Variants in OR52M1 observed in about 807,000 individuals in gnomAD.
The protein encoded by OR52M1 is olfactory receptor family 52 subfamily M member 1.
A neutral mutation model predicts 1.3 loss-of-function variants in OR52M1; 2 were observed. That is an observed-to-expected ratio of 1.59 (90% CI 0.65 to 5.01). OR52M1 has a LOEUF of 5.01. Among genes scored for constraint, OR52M1 ranks in the 30% most tolerant of loss-of-function variants. The pLI is 0.06. For synonymous variants in OR52M1, 234 were observed against 151.4 expected, an observed-to-expected ratio of 1.55 and a Z score of -4.01; for missense variants, 585 against 403.7, an observed-to-expected ratio of 1.45 and a Z score of -3.85.
Position 4,545,321 on chromosome 11 carries a change from ATG to A in OR52M1, c.134_135del (p.Val45AspfsTer27), listed in dbSNP as rs1198516925. ...ATGTACCTGGTGGCTGTGGTGGGGA[ATG>A]TGACCATCCTGGCTGTGGTAAAGAT... On this transcript the variant is annotated frameshift_variant, in exon 1 of 1. Transcript: ENST00000360213. LOFTEE classifies it high-confidence loss of function. 1 of 1,613,952 alleles carries A rather than the reference ATG, an allele frequency of 6.2e-7. No homozygotes were observed. Among genetic ancestry groups the A allele is most frequent in the Non-Finnish European group, 8.5e-7 (1 of 1,179,980 alleles).
chr11:4,545,923 G>T lies in OR52M1; in HGVS notation c.733G>T (p.Ala245Ser), dbSNP rs375588754. The part of the protein sequence containing the change: ...EARLKTLGTC[A>S]SHLCAILIFY... ...TAGGCTTAAAACCCTGGGGACATGC[G>T]CTTCTCACCTCTGTGCCATCCTGAT... is the stretch of plus-strand genomic sequence containing the variant. The change falls in exon 1 of 1, where the codon GCT (alanine) becomes TCT (serine). Residue 245 changes from alanine (A) to serine (S), a missense_variant. Physicochemically the swap from Ala to Ser is moderately conservative, Grantham distance 99 (BLOSUM62 1). Coordinates refer to ENST00000360213, the MANE Select transcript of OR52M1 (RefSeq NM_001004137.1). 6 of 1,613,798 alleles carry T rather than the reference G, an allele frequency of 3.7e-6. No individual in the cohort carries two copies. The African/African-American group carries it at 6.7e-5, about 18-fold the overall frequency.
At position 4,545,982 on chromosome 11, in the gene OR52M1, T is replaced by A; in HGVS notation, c.792T>A (p.Ile264=). 6.2e-7 allele frequency: 1 copy of A among 1,614,138 alleles called. No homozygotes were observed. Among genetic ancestry groups the A allele is most frequent in the South Asian group, 1.1e-5 (1 of 91,078 alleles). ...FYVPIAVSSL[I]HRFGQCVPPP... ...TTCCCATTGCTGTTTCTTCCCTGATTCACCGATTTGGTCAGTGTGTGCCTC... is the reference window on the plus strand; with the variant it reads ...TTCCCATTGCTGTTTCTTCCCTGATACACCGATTTGGTCAGTGTGTGCCTC... The change falls in exon 1 of 1, where the codon ATT becomes ATA. Residue 264 remains isoleucine, a synonymous_variant. Coordinates refer to ENST00000360213, the MANE Select transcript of OR52M1 (RefSeq NM_001004137.1).
Position 4,545,756 on chromosome 11 carries a change from C to G in OR52M1, c.566C>G (p.Ala189Gly). 3 of 1,614,102 alleles carry G rather than the reference C, an allele frequency of 1.9e-6. No homozygotes were observed. Among genetic ancestry groups the G allele is most frequent in the Non-Finnish European group, 2.5e-6 (3 of 1,180,000 alleles). ...HSYCEHMAVV[A>G]LTCGDSRVNN... is the part of the protein sequence containing the mutation. ...TACTGTGAGCACATGGCTGTAGTTGCCTTGACATGTGGCGACAGCAGGGTC... is the reference window on the plus strand; with the variant it reads ...TACTGTGAGCACATGGCTGTAGTTGGCTTGACATGTGGCGACAGCAGGGTC... Residue 189 changes from alanine (A) to glycine (G), a missense_variant, in exon 1 of 1, where the codon GCC (alanine) becomes GGC (glycine). By Grantham distance (60) the Ala-to-Gly change is moderately conservative. Transcript: ENST00000360213.
In OR52M1 at chr11:4,545,654, T is replaced by C. The variant is rs775000712; in HGVS notation, c.464T>C (p.Val155Ala). 1.7e-5 allele frequency: 27 copies of C among 1,613,318 alleles called. No individual in the cohort carries two copies. The Admixed American group carries it at 3.5e-4, about 21-fold the overall frequency. ...GGGCTTGTTTCTCTCCTCCGGGGTG[T>C]TCTCTACATTGGACCTCTGCCTCTG... ...RLGLVSLLRG[V>A]LYIGPLPLMI... Residue 155 changes from valine to alanine, a missense_variant, in exon 1 of 1, where the codon GTT becomes GCT. Coordinates refer to ENST00000360213, the MANE Select transcript of OR52M1 (RefSeq NM_001004137.1).
Position 4,546,099 on chromosome 11 carries a change from A to G in OR52M1, c.909A>G (p.Arg303=). 6.2e-7 allele frequency: 1 copy of G among 1,611,752 alleles called. No individual in the cohort carries two copies. ...IVYAVRTKQI[R]ESLLQIPRIE... ...ATGCTGTTCGCACCAAGCAGATCCG[A>G]GAGAGCCTTCTCCAAATACCAAGGA... is the stretch of plus-strand genomic sequence containing the variant. Residue 303 remains arginine (R), a synonymous_variant, in exon 1 of 1, where the codon CGA becomes CGG. Transcript: ENST00000360213.
In OR52M1 at chr11:4,545,915, G is replaced by C; in HGVS notation, c.725G>C (p.Gly242Ala). ...CCTGAGGCTAGGCTTAAAACCCTGG[G>C]GACATGCGCTTCTCACCTCTGTGCC... is the stretch of plus-strand genomic sequence containing the variant. Reference protein sequence around the residue: ...ATPEARLKTLGTCASHLCAIL... With the variant: ...ATPEARLKTLATCASHLCAIL... The change falls in exon 1 of 1, where the codon GGG (glycine) becomes GCG (alanine). Residue 242 changes from glycine to alanine, a missense_variant. Coordinates refer to ENST00000360213, the MANE Select transcript of OR52M1 (RefSeq NM_001004137.1). 6.2e-7 allele frequency: 1 copy of C among 1,613,990 alleles called. No individual in the cohort carries two copies. The highest frequency in any genetic ancestry group is 8.5e-7 in the Non-Finnish European group (1 of 1,179,990).
In OR52M1 at chr11:4,545,286, C is replaced by T. The variant is rs774573739; in HGVS notation, c.96C>T (p.Pro32=). The T allele has an allele frequency of 1.2e-6, 2 of 1,614,144 alleles. No individual in the cohort carries two copies. Among genetic ancestry groups the T allele is most frequent in the South Asian group, 2.2e-5 (2 of 91,080 alleles). The part of the protein sequence containing the change: ...LESLHVWLSI[P]FGSMYLVAVV... ...CCCTACACGTCTGGCTCTCCATCCC[C>T]TTTGGCTCCATGTACCTGGTGGCTG... The change falls in exon 1 of 1, where the codon CCC becomes CCT. Residue 32 remains proline, a synonymous_variant. Transcript: ENST00000360213.
chr11:4,545,959 C>G lies in OR52M1; in HGVS notation c.769C>G (p.Pro257Ala). The G allele has an allele frequency of 6.2e-7, 1 of 1,614,016 alleles. No individual in the cohort carries two copies. The highest frequency in any genetic ancestry group is 8.5e-7 in the Non-Finnish European group (1 of 1,179,972). The change falls in exon 1 of 1, where the codon CCC becomes GCC. Residue 257 changes from proline to alanine, a missense_variant. Transcript: ENST00000360213. Reference sequence around the variant, plus strand: ...CTGTGCCATCCTGATCTTTTATGTTCCCATTGCTGTTTCTTCCCTGATTCA... The same window carrying G: ...CTGTGCCATCCTGATCTTTTATGTTGCCATTGCTGTTTCTTCCCTGATTCA... ...HLCAILIFYV[P>A]IAVSSLIHRF...
rs375155699 is a variant in OR52M1, at chr11:4,546,088, A to G, written c.898A>G (p.Lys300Glu). Residue 300 changes from lysine to glutamate, a missense_variant, in exon 1 of 1, where the codon AAG becomes GAG. Physicochemically the swap from Lys to Glu is moderately conservative, Grantham distance 56. Transcript: ENST00000360213. The stretch of plus-strand genomic sequence containing the variant: ...TCCCATTGTCTATGCTGTTCGCACC[A>G]AGCAGATCCGAGAGAGCCTTCTCCA... ...LNPIVYAVRT[K>E]QIRESLLQIP... 3 of 1,613,038 alleles carry G rather than the reference A, an allele frequency of 1.9e-6. No homozygotes were observed. The African/African-American group carries it at 4.0e-5, about 22-fold the overall frequency.
Position 4,546,142 on chromosome 11 carries a change from T to G in OR52M1, c.952T>G (p.Ter318GlyextTer?). 6.4e-7 allele frequency: 1 copy of G among 1,568,822 alleles called. No individual in the cohort carries two copies. The highest frequency in any genetic ancestry group is 1.2e-5 in the South Asian group (1 of 86,932). ...ACCAAGGATAGAAATGAAGATTAGATGATTACTATTTTCTTCTCTCTCAAA... is the reference window on the plus strand; with the variant it reads ...ACCAAGGATAGAAATGAAGATTAGAGGATTACTATTTTCTTCTCTCTCAAA... ...QIPRIEMKIR[*>G] The change falls in exon 1 of 1, where the codon TGA becomes GGA. Residue 318 changes from the stop codon to glycine (G), a stop_lost. Transcript: ENST00000360213.
chr11:4,545,936 G>T lies in OR52M1; in HGVS notation c.746G>T (p.Cys249Phe), dbSNP rs756589356. Residue 249 changes from cysteine to phenylalanine, a missense_variant, in exon 1 of 1, where the codon TGT becomes TTT. Transcript: ENST00000360213. ...KTLGTCASHL[C>F]AILIFYVPIA... is the part of the protein sequence containing the mutation. ...CTGGGGACATGCGCTTCTCACCTCT[G>T]TGCCATCCTGATCTTTTATGTTCCC... 1.9e-6 allele frequency: 3 copies of T among 1,613,988 alleles called. No homozygotes were observed. Among genetic ancestry groups the T allele is most frequent in the Non-Finnish European group, 2.5e-6 (3 of 1,179,990 alleles).
At position 4,546,030 on chromosome 11, in the gene OR52M1, C is replaced by T; in HGVS notation, c.840C>T (p.Ala280=). 6.2e-7 allele frequency: 1 copy of T among 1,614,092 alleles called. No individual in the cohort carries two copies. Among genetic ancestry groups the T allele is most frequent in the Non-Finnish European group, 8.5e-7 (1 of 1,179,982 alleles). The change falls in exon 1 of 1, where the codon GCC becomes GCT. Residue 280 remains alanine (A), a synonymous_variant. Transcript: ENST00000360213. ...CVPPPVHTLL[A]NFYLLIPPIL... is the part of the protein sequence containing the mutation. ...CTCCTCCAGTCCACACTCTGCTGGC[C>T]AACTTCTATCTCCTCATTCCTCCAA...
rs776106570 is a variant in OR52M1 at position 4,545,650 on chromosome 11, G to T, written c.460G>T (p.Gly154Cys). The change falls in exon 1 of 1, where the codon GGT (glycine) becomes TGT (cysteine). Residue 154 changes from glycine (G) to cysteine (C), a missense_variant. By Grantham distance (159) the Gly-to-Cys change is radical. Coordinates refer to ENST00000360213, the MANE Select transcript of OR52M1 (RefSeq NM_001004137.1). ...TTTGGGGCTTGTTTCTCTCCTCCGG[G>T]GTGTTCTCTACATTGGACCTCTGCC... ...GRLGLVSLLR[G>C]VLYIGPLPLM... The T allele has an allele frequency of 6.2e-7, 1 of 1,613,432 alleles. No individual in the cohort carries two copies. The highest frequency in any genetic ancestry group is 8.5e-7 in the Non-Finnish European group (1 of 1,179,712).
chr11:4,545,644 C>T lies in OR52M1; in HGVS notation c.454C>T (p.Leu152Phe). The T allele has an allele frequency of 1.9e-6, 3 of 1,613,588 alleles. No homozygotes were observed. The highest frequency in any genetic ancestry group is 2.5e-6 in the Non-Finnish European group (3 of 1,179,774). ...GGGTCGTTTGGGGCTTGTTTCTCTC[C>T]TCCGGGGTGTTCTCTACATTGGACC... ...VVGRLGLVSL[L>F]RGVLYIGPLP... Residue 152 changes from leucine (L) to phenylalanine (F), a missense_variant, in exon 1 of 1, where the codon CTC (leucine) becomes TTC (phenylalanine). Physicochemically the swap from Leu to Phe is conservative, Grantham distance 22. Coordinates refer to ENST00000360213, the MANE Select transcript of OR52M1 (RefSeq NM_001004137.1).
rs1846939439 is a variant in OR52M1 at position 4,545,404 on chromosome 11, G to A, written c.214G>A (p.Asp72Asn). ...TTTCTTGTGCATGTTGGCTGCCATT[G>A]ACCTGGTTCTGTCTACTTCCACTAT... ...YFFLCMLAAIDLVLSTSTIPK... is the reference protein window; with the variant it reads ...YFFLCMLAAINLVLSTSTIPK... The change falls in exon 1 of 1, where the codon GAC becomes AAC. Residue 72 changes from aspartate (D) to asparagine (N), a missense_variant. By Grantham distance (23) the Asp-to-Asn change is conservative. Transcript: ENST00000360213. 6.2e-7 allele frequency: 1 copy of A among 1,614,090 alleles called. No homozygotes were observed. Among genetic ancestry groups the A allele is most frequent in the Non-Finnish European group, 8.5e-7 (1 of 1,179,986 alleles).
chr11:4,545,196 C>T lies in OR52M1; in HGVS notation c.6C>T (p.Leu2=). ...AGGTTCACATATAAATAGCCATGCT[C>T]ACTTTTCATAATGTCTGCTCAGTAC... M[L]TFHNVCSVPS... is the part of the protein sequence containing the mutation. Residue 2 remains leucine (L), a synonymous_variant, in exon 1 of 1, where the codon CTC becomes CTT. Coordinates refer to ENST00000360213, the MANE Select transcript of OR52M1 (RefSeq NM_001004137.1). 2 of 1,573,074 alleles carry T rather than the reference C, an allele frequency of 1.3e-6. No individual in the cohort carries two copies. The highest frequency in any genetic ancestry group is 1.7e-6 in the Non-Finnish European group (2 of 1,160,544).
chr11:4,545,370 C>T lies in OR52M1; in HGVS notation c.180C>T (p.Pro60=). The T allele has an allele frequency of 1.2e-6, 2 of 1,614,082 alleles. No homozygotes were observed. The highest frequency in any genetic ancestry group is 1.7e-6 in the Non-Finnish European group (2 of 1,179,982). Residue 60 remains proline (P), a synonymous_variant, in exon 1 of 1, where the codon CCC becomes CCT. Coordinates refer to ENST00000360213, the MANE Select transcript of OR52M1 (RefSeq NM_001004137.1). ...AGATAGAACGCAGCCTGCACCAGCC[C>T]ATGTACTTTTTCTTGTGCATGTTGG... is the stretch of plus-strand genomic sequence containing the variant. The part of the protein sequence containing the change: ...VVKIERSLHQ[P]MYFFLCMLAA...
chr11:4,546,122 G>T lies in OR52M1; in HGVS notation c.932G>T (p.Arg311Met), dbSNP rs1320224827. 6.3e-7 allele frequency: 1 copy of T among 1,599,258 alleles called. No homozygotes were observed. Among genetic ancestry groups the T allele is most frequent in the East Asian group, 2.2e-5 (1 of 44,766 alleles). Residue 311 changes from arginine to methionine, a missense_variant, in exon 1 of 1, where the codon AGG (arginine) becomes ATG (methionine). Physicochemically the swap from Arg to Met is moderately conservative, Grantham distance 91. Coordinates refer to ENST00000360213, the MANE Select transcript of OR52M1 (RefSeq NM_001004137.1). Reference protein sequence around the residue: ...QIRESLLQIPRIEMKIR With the variant: ...QIRESLLQIPMIEMKIR ...CGAGAGAGCCTTCTCCAAATACCAA[G>T]GATAGAAATGAAGATTAGATGATTA...
Position 4,545,568 on chromosome 11 carries a change from G to A in OR52M1, c.378G>A (p.Val126=), listed in dbSNP as rs1564845984. ...TTGCCATGGCTTTTGATCGCTACGT[G>A]GCCATCTGCAACCCACTACGTCATA... The part of the protein sequence containing the change: ...IFLAMAFDRY[V]AICNPLRHSM... The change falls in exon 1 of 1, where the codon GTG becomes GTA. Residue 126 remains valine, a synonymous_variant. Transcript: ENST00000360213. 9 of 1,611,974 alleles carry A rather than the reference G, an allele frequency of 5.6e-6. No homozygotes were observed. The highest frequency in any genetic ancestry group is 7.6e-6 in the Non-Finnish European group (9 of 1,179,100).
Sources: gnomAD v4.1 joint callset for allele counts on GRCh38, gnomAD v4.1.1 for gene constraint, MANE v1.5 for transcripts, NCBI Gene and HGNC (gene_info 2026-07-23, HGNC 2026-07-21) for gene names.